ZFP1: variants seen among roughly 807,000 people sequenced by gnomAD.
ZFP1 encodes zinc finger protein 1 homolog.
Under a neutral mutation model 38.5 loss-of-function variants are expected in ZFP1, and 32 were observed. The ratio of observed to expected loss-of-function variants is 0.83; its 90% CI spans 0.63 to 1.12. The LOEUF (loss-of-function observed/expected upper bound fraction) is 1.12. Ranked by LOEUF, ZFP1 falls within the 50% of genes most tolerant of loss-of-function variation. The pLI, the probability that ZFP1 is intolerant of heterozygous loss-of-function variation, is 0.00. For synonymous variants in ZFP1, 245 were observed against 168.8 expected, an observed-to-expected ratio of 1.45 and a Z score of -3.50; for missense variants, 616 against 480.8, an observed-to-expected ratio of 1.28 and a Z score of -2.63.
chr16:75,129,620 G>A, the ZFP1 span, among the ~76,000 whole-genome samples: 1 of 152,092 alleles, frequency 6.6e-6, no homozygotes, highest in Non-Finnish European at 1.5e-5. Flanking sequence ...TAGTTGTCCC[G>A]CCTCTCCAGA....
the ZFP1 span, among the ~76,000 whole-genome samples, chr16:75,141,639 C>T: frequency 6.6e-6 from 1 of 151,768 alleles, no homozygotes; most frequent in African/African-American, 2.4e-5. Flanking sequence ...AATCCCAGTG[C>T]TTTGAGAGGC....
upstream of ZFP1, among the ~76,000 whole-genome samples, chr16:75,147,421 G>C (rs182347447): frequency 6.6e-5 from 10 of 151,540 alleles, no homozygotes; most frequent in Non-Finnish European, 1.5e-4. Context: ...GGGACTACAG[G>C]TGCGTGCCAC....
chr16:75,146,411 C>T (rs955594701), upstream of ZFP1, among the ~76,000 whole-genome samples: 1 of 152,166 alleles, frequency 6.6e-6, no homozygotes, highest in South Asian at 2.1e-4. Context: ...TCGTGATCCG[C>T]CCGCCTCGGC....
the ZFP1 span, among the ~76,000 whole-genome samples, chr16:75,123,106 C>T: frequency 1.3e-5 from 2 of 152,034 alleles, no homozygotes; most frequent in African/African-American, 2.4e-5. Context: ...GTAATCCCAG[C>T]ACTTGGGGAG....
the ZFP1 span, among the ~76,000 whole-genome samples, chr16:75,132,159 G>T: frequency 1.3e-5 from 2 of 152,106 alleles, no homozygotes; most frequent in Non-Finnish European, 2.9e-5. Flanking sequence ...AAGCCAAGGC[G>T]GGGAGATCAC....
At chr16:75,135,208 T>TAAAAAAA in the ZFP1 span, among the ~76,000 whole-genome samples, 1 of 1,556 alleles carries the variant, frequency 6.4e-4, no homozygotes, top group Admixed American at 6.9e-3. Flanking sequence ...AGACCTTATC[T>TAAAAAAA]CAAAAAAAAA....
chr16:75,164,809 GTTT>G (rs35922943), intron 2 of ZFP1, among the ~76,000 whole-genome samples: 26 of 31,576 alleles, frequency 8.2e-4, no homozygotes, highest in African/African-American at 2.4e-3. Flanking sequence ...GTTTCCATAA[GTTT>G]TTTTTTTTTT....
chr16:75,128,206 G>A, the ZFP1 span, among the ~76,000 whole-genome samples: 1 of 152,188 alleles, frequency 6.6e-6, no homozygotes, highest in African/African-American at 2.4e-5. Flanking sequence ...GAATGTCACT[G>A]TGGGGCCCAG....
the ZFP1 span, among the ~76,000 whole-genome samples, chr16:75,125,179 C>T: frequency 6.6e-6 from 1 of 151,966 alleles, no homozygotes; most frequent in Non-Finnish European, 1.5e-5. Context: ...GAATTGCTTG[C>T]ACCTAGGAAG....
the ZFP1 span, among the ~76,000 whole-genome samples, chr16:75,130,805 T>C: frequency 2.0e-5 from 3 of 151,808 alleles, no homozygotes; most frequent in African/African-American, 7.3e-5. Flanking sequence ...TCAAGTATTT[T>C]ACAGTTTGAT....
the ZFP1 span, chr16:75,132,652 CTTTTTTTTTT>C: frequency 3.8e-5 from 4 of 104,294 alleles, no homozygotes; most frequent in Non-Finnish European, 7.2e-5. Context: ...CATTTCATTT[CTTTTTTTTTT>C]TTTTTTTTTT....
upstream of ZFP1, chr16:75,144,317 C>G (rs1346278653): frequency 2.0e-5 from 3 of 152,142 alleles, no homozygotes; most frequent in African/African-American, 7.2e-5. Flanking sequence ...TGCACATATT[C>G]TTGTGTGATC....
chr16:75,126,694 C>T, the ZFP1 span, among the ~76,000 whole-genome samples: 34 of 152,348 alleles, frequency 2.2e-4, no homozygotes, highest in East Asian at 2.3e-3. Context: ...TGAGCCAGCA[C>T]GCCCAGCCAG....
chr16:75,167,216 G>C (rs1168040247), intron 3 of ZFP1, among the ~76,000 whole-genome samples: 5 of 152,204 alleles, frequency 3.3e-5, no homozygotes, highest in Non-Finnish European at 5.9e-5. Context: ...GGACGGGAGA[G>C]AGGGAGAAGC....
chr16:75,130,707 C>G, the ZFP1 span, among the ~76,000 whole-genome samples: 1,898 of 152,238 alleles, frequency 0.012, 41 homozygotes, highest in African/African-American at 0.043. Flanking sequence ...GGTGGCCTGA[C>G]TTTCCTGTTG....
chr16:75,146,772 C>G (rs1031879049), upstream of ZFP1, among the ~76,000 whole-genome samples: 1 of 151,874 alleles, frequency 6.6e-6, no homozygotes, highest in African/African-American at 2.4e-5. Flanking sequence ...AATGCCATCT[C>G]TACAAAAAAT....
At chr16:75,138,144 C>T in the ZFP1 span, among the ~76,000 whole-genome samples, 1 of 146,910 alleles carries the variant, frequency 6.8e-6, no homozygotes, top group African/African-American at 2.6e-5. Context: ...TCAAGTGATT[C>T]TCCTGCCTCA....
At chr16:75,149,228 A>G (rs1164855069) in intron 1 of ZFP1, 1 of 152,232 alleles carries the variant, frequency 6.6e-6, no homozygotes, top group African/African-American at 2.4e-5. Flanking sequence ...AGAAGGGGAA[A>G]GTGATTTCCC....
At chr16:75,140,542 C>G in the ZFP1 span, among the ~76,000 whole-genome samples, 1 of 152,242 alleles carries the variant, frequency 6.6e-6, no homozygotes, top group Non-Finnish European at 1.5e-5. Context: ...ACAATGTAAG[C>G]TCCACCAGGA....
Sources: gnomAD v4.1 joint callset for allele counts (sites outside exome capture counted in the v4.1 genomes callset) on GRCh38, gnomAD v4.1.1 for gene constraint, MANE v1.5 for transcripts, NCBI Gene and HGNC (gene_info 2026-07-23, HGNC 2026-07-21) for gene names.